HEPACAM2: variants seen among roughly 807,000 people sequenced by gnomAD.
HEPACAM2 encodes the protein mitotic kinetics regulator.
Under a neutral mutation model 49.6 loss-of-function variants are expected in HEPACAM2, and 49 were observed. That is an observed-to-expected ratio of 0.99 (90% CI 0.78 to 1.25). The LOEUF is 1.25. HEPACAM2 is among the 50% of genes most tolerant of loss of function. The pLI is 0.00. For missense variants in HEPACAM2, 525 were observed against 557.2 expected, an observed-to-expected ratio of 0.94 and a Z score of 0.58; for synonymous variants, 197 against 202.9, an observed-to-expected ratio of 0.97 and a Z score of 0.25.
chr7:93,192,448 G>T, intron 8 of HEPACAM2, 85 bp from the exon 9 acceptor site: 1 of 941,322 alleles, frequency 1.1e-6, no homozygotes, highest in Non-Finnish European at 1.7e-6. Flanking sequence ...AAAACAACTG[G>T]CAGTAGTGAT....
chr7:93,197,713 A>ACGTGTTTATATATTTTTT, intron 4 of HEPACAM2, 103 bp from the exon 5 acceptor site: 1 of 754,814 alleles, frequency 1.3e-6, no homozygotes, highest in Non-Finnish European at 2.1e-6. Flanking sequence ...AAAAAAATAT[A>ACGTGTTTATATATTTTTT]TAAACACGTA....
rs1793755572 is a variant in HEPACAM2, at chr7:93,197,375, G to A, written c.1161C>T (p.Gly387=). 1.3e-6 allele frequency: 2 copies of A among 1,598,234 alleles called. No individual in the cohort carries two copies. Among genetic ancestry groups the A allele is most frequent in the Non-Finnish European group, 8.5e-7 (1 of 1,172,862 alleles). ...TTTCATAGAAACAGATGCATTACCTGCCTTCTAGTTTCTGTTTTATAACTA... is the reference window on the plus strand; with the variant it reads ...TTTCATAGAAACAGATGCATTACCTACCTTCTAGTTTCTGTTTTATAACTA... ...PYKVIKQKLE[G]RPETEYRKAQ... is the part of the protein sequence containing the mutation. The change falls in exon 6 of 10, where the codon GGC becomes GGT. Residue 387 remains glycine, a splice_region_variant and synonymous_variant. Coordinates refer to ENST00000394468, the MANE Select transcript of HEPACAM2 (RefSeq NM_001039372.4).
At chr7:93,206,626 TA>T (rs761268146) in intron 4 of HEPACAM2, among the ~76,000 whole-genome samples, 14 of 152,178 alleles carry the variant, frequency 9.2e-5, no homozygotes, top group Admixed American at 2.6e-4. Flanking sequence ...TTAAAATTAA[TA>T]AAGATGAAAT....
At chr7:93,219,680 G>A in intron 1 of HEPACAM2, 2 of 622,992 alleles carry the variant, frequency 3.2e-6, no homozygotes, top group Admixed American at 3.5e-5. Context: ...AAGATAAAAA[G>A]GAAAAGCAGA....
rs747225669 is a variant in HEPACAM2, at chr7:93,208,691, C to G, written c.901G>C (p.Val301Leu). ...TTCTGGGCTACTTTCTCAGATGCAA[C>G]TTCTAAGCGAGGCCCATGCTTAATG... ...YIIKHGPRLE[V>L]ASEKVAQKTM... The change falls in exon 4 of 10, where the codon GTT becomes CTT. Residue 301 changes from valine (V) to leucine (L), a missense_variant. By Grantham distance (32) the Val-to-Leu change is conservative. Coordinates refer to ENST00000394468, the MANE Select transcript of HEPACAM2 (RefSeq NM_001039372.4). 1.2e-6 allele frequency: 2 copies of G among 1,613,196 alleles called. No homozygotes were observed. The highest frequency in any genetic ancestry group is 1.7e-6 in the Non-Finnish European group (2 of 1,179,444).
intron 7 of HEPACAM2, 92 bp downstream of exon 7, chr7:93,197,145 TATTA>T (rs1793746449): frequency 1.2e-6 from 1 of 810,310 alleles, no homozygotes; most frequent in Non-Finnish European, 1.7e-6. Context: ...TTTTAGCTCA[TATTA>T]ATTATATTAC....
rs1256271690 is a variant in HEPACAM2 at position 93,208,827 on chromosome 7, C to T, written c.765G>A (p.Gly255=). Residue 255 remains glycine (G), a synonymous_variant, in exon 4 of 10, where the codon GGG becomes GGA. Transcript: ENST00000394468. ...QVNSDKGLKV[G]EVFTVDLGEA... is the part of the protein sequence containing the mutation. ...CTCCAAGGTCAACAGTAAACACTTC[C>T]CCTACTTTTAGCCCTTTATCAGAAT... 5 of 1,612,202 alleles carry T rather than the reference C, an allele frequency of 3.1e-6. No individual in the cohort carries two copies. The East Asian group carries it at 8.9e-5, about 29-fold the overall frequency.
chr7:93,229,590 A>G (rs1794591460), upstream of HEPACAM2, among the ~76,000 whole-genome samples: 1 of 152,130 alleles, frequency 6.6e-6, no homozygotes, highest in African/African-American at 2.4e-5. Flanking sequence ...TACTAATCCT[A>G]TTGTTCTGAA....
chr7:93,209,922 C>A (rs1264391863), intron 3 of HEPACAM2, among the ~76,000 whole-genome samples: 1 of 151,826 alleles, frequency 6.6e-6, no homozygotes, highest in Non-Finnish European at 1.5e-5. Context: ...CCCACCCACA[C>A]CCCAGCTAAG....
rs17165162 is a variant in HEPACAM2 at position 93,213,982 on chromosome 7, T to C, written c.715+1419A>G. ...GGATGCCACATCCACAGATAGGATA[T>C]ACAACCAATCTTCAGATTACAGTAT... On this transcript the variant is annotated intron_variant, in intron 3 of 9. Coordinates refer to ENST00000394468, the MANE Select transcript of HEPACAM2 (RefSeq NM_001039372.4). Among the ~76,000 whole-genome samples, 817 of 152,236 alleles carry C rather than the reference T, an allele frequency of 5.4e-3. 16 individuals are homozygous for C. The highest frequency in any genetic ancestry group is 0.026 in the Admixed American group (391 of 15,254).
At chr7:93,219,606 A>G in intron 1 of HEPACAM2, 155 bp from the exon 2 acceptor site, 1 of 1,367,884 alleles carries the variant, frequency 7.3e-7, no homozygotes, top group Non-Finnish European at 9.7e-7. Context: ...ATATAGAGGT[A>G]AATATTTGTC....
chr7:93,221,501 T>G (rs932394827), intron 1 of HEPACAM2, among the ~76,000 whole-genome samples: 1 of 152,304 alleles, frequency 6.6e-6, no homozygotes, highest in Non-Finnish European at 1.5e-5. Flanking sequence ...AGGAATCCAG[T>G]TCTACCAACA....
At chr7:93,225,443 C>T (rs1271913577) in intron 1 of HEPACAM2, among the ~76,000 whole-genome samples, 1 of 152,060 alleles carries the variant, frequency 6.6e-6, no homozygotes, top group Non-Finnish European at 1.5e-5. Flanking sequence ...TGAATAATAA[C>T]ATTTACAATG....
At position 93,226,417 on chromosome 7, in the gene HEPACAM2, G is replaced by A. The variant is rs776541328; in HGVS notation, c.30C>T (p.Phe10=). 12 of 1,613,320 alleles carry A rather than the reference G, an allele frequency of 7.4e-6. No individual in the cohort carries two copies. Among genetic ancestry groups the A allele is most frequent in the South Asian group, 1.1e-5 (1 of 91,062 alleles). Residue 10 remains phenylalanine (F), a synonymous_variant, in exon 1 of 10, where the codon TTC becomes TTT. Transcript: ENST00000394468. ...ACTGAAAGACCCCAAGTGTGTCACC[G>A]AAGGGCTCCATGAAAGCATCCTGTC... is the stretch of plus-strand genomic sequence containing the variant. The part of the protein sequence containing the change: MGQDAFMEP[F]GDTLGVFQCK...
At chr7:93,218,396 G>C (rs1382009968) in intron 2 of HEPACAM2, among the ~76,000 whole-genome samples, 2 of 152,094 alleles carry the variant, frequency 1.3e-5, no homozygotes, top group African/African-American at 4.8e-5. Flanking sequence ...TCAAGGTAAA[G>C]CCAATAGGCT....
rs1004595731 is a variant in HEPACAM2, at chr7:93,213,789, G to T, written c.715+1612C>A. Among the ~76,000 whole-genome samples the T allele has an allele frequency of 3.3e-5, 5 of 152,046 alleles. No individual in the cohort carries two copies. In the South Asian group the frequency reaches 6.2e-4, roughly 19 times the overall value. On this transcript the variant is annotated intron_variant, in intron 3 of 9. Coordinates refer to ENST00000394468, the MANE Select transcript of HEPACAM2 (RefSeq NM_001039372.4). ...CTGAAGGAGCACAATGAACCTGTTAGTGACACTGAGGAGGTGAGATAAGTG... is the reference window on the plus strand; with the variant it reads ...CTGAAGGAGCACAATGAACCTGTTATTGACACTGAGGAGGTGAGATAAGTG...
chr7:93,208,760 T>TG lies in HEPACAM2; in HGVS notation c.831dup (p.Asn278GlnfsTer7), dbSNP rs1299788313. On this transcript the variant is annotated frameshift_variant, in exon 4 of 10. Coordinates refer to ENST00000394468, the MANE Select transcript of HEPACAM2 (RefSeq NM_001039372.4). LOFTEE classifies it high-confidence loss of function. ...GTCCTCCTAATCCAGGAGTAGGTGT[T>TG]GGGGGGATGAGAATCAGCAGAACAA... 2 of 1,613,002 alleles carry TG rather than the reference T, an allele frequency of 1.2e-6. No homozygotes were observed. Among genetic ancestry groups the TG allele is most frequent in the East Asian group, 2.2e-5 (1 of 44,836 alleles).
chr7:93,196,044 C>T (rs1793709320), intron 7 of HEPACAM2, 143 bp from the exon 8 acceptor site: 2 of 613,394 alleles, frequency 3.3e-6, no homozygotes, highest in African/African-American at 1.9e-5. Context: ...TTCCTATAGT[C>T]GTATTGCCAT....
chr7:93,223,167 A>G (rs925355685), intron 1 of HEPACAM2, among the ~76,000 whole-genome samples: 10 of 152,210 alleles, frequency 6.6e-5, no homozygotes, highest in Non-Finnish European at 1.5e-4. Flanking sequence ...TCATTTGGGA[A>G]AGCCATTGCA....
Sources: allele counts gnomAD v4.1 joint callset (sites outside exome capture counted in the v4.1 genomes callset), GRCh38; gene constraint gnomAD v4.1.1; transcripts MANE v1.5; gene names NCBI Gene and HGNC (gene_info 2026-07-23, HGNC 2026-07-21).